The following PAPPA2 variants were observed in gnomAD, a reference collection of about 807,000 sequenced individuals.
PAPPA2 encodes pappalysin 2.
PAPPA2 carries 86 observed loss-of-function variants against 176.4 expected under a neutral mutation model. The observed-to-expected ratio is 0.49, with a 90% CI of 0.41 to 0.58. PAPPA2 has a LOEUF of 0.58. Among genes scored for constraint, PAPPA2 ranks in the 20% least tolerant of loss-of-function variants. The pLI, the probability that PAPPA2 is intolerant of heterozygous loss-of-function variation, is 0.00. For synonymous variants in PAPPA2, 809 were observed against 852.2 expected (o/e 0.95, Z 0.88); for missense variants, 2,073 against 2,256.9 (o/e 0.92, Z 1.65).
At chr1:176,743,912 A>G (rs1352194426) in intron 14 of PAPPA2, among the ~76,000 whole-genome samples, 3 of 152,250 alleles carry the variant, frequency 2.0e-5, no homozygotes, top group South Asian at 2.1e-4. Context: ...TTCAAAAGAT[A>G]CAGAACATTA....
At chr1:176,479,883 T>C (rs541669148) in intron 1 of PAPPA2, among the ~76,000 whole-genome samples, 80 of 152,252 alleles carry the variant, frequency 5.3e-4, no homozygotes, top group Non-Finnish European at 9.7e-4. Flanking sequence ...CCCACATTTA[T>C]AGCACATCAA....
At chr1:176,474,035 G>A (rs1652005114) in intron 1 of PAPPA2, among the ~76,000 whole-genome samples, 1 of 152,130 alleles carries the variant, frequency 6.6e-6, no homozygotes, top group South Asian at 2.1e-4. Context: ...AGTAAAGTAT[G>A]TATTACTTCT....
At chr1:176,527,944 G>C (rs1649586128) in intron 1 of PAPPA2, among the ~76,000 whole-genome samples, 1 of 152,164 alleles carries the variant, frequency 6.6e-6, no homozygotes, top group Non-Finnish European at 1.5e-5. Context: ...TGAATGCCAG[G>C]CATGGCCAAC....
intron 15 of PAPPA2, among the ~76,000 whole-genome samples, chr1:176,768,327 C>T (rs1664069310): frequency 1.3e-5 from 2 of 152,140 alleles, no homozygotes; most frequent in South Asian, 4.1e-4. Flanking sequence ...ATGCTCTCCT[C>T]CCTGGCCGAG....
intron 1 of PAPPA2, among the ~76,000 whole-genome samples, chr1:176,554,307 A>G (rs1651141680): frequency 6.6e-6 from 1 of 152,206 alleles, no homozygotes; most frequent in Non-Finnish European, 1.5e-5. Flanking sequence ...ACAAGCAGTG[A>G]CTTTAAAAGT....
At chr1:176,803,218 A>C (rs1361925130) in intron 21 of PAPPA2, among the ~76,000 whole-genome samples, 1 of 152,144 alleles carries the variant, frequency 6.6e-6, no homozygotes, top group East Asian at 1.9e-4. Context: ...TGTATTGGGA[A>C]CTGGGTCAAC....
chr1:176,599,981 C>A (rs1172022877), intron 3 of PAPPA2, among the ~76,000 whole-genome samples: 1 of 151,790 alleles, frequency 6.6e-6, no homozygotes, highest in Non-Finnish European at 1.5e-5. Context: ...CCTTCCCTAT[C>A]CTATTTTTTG....
At chr1:176,666,930 T>C (rs1015452954) in intron 3 of PAPPA2, among the ~76,000 whole-genome samples, 2 of 151,952 alleles carry the variant, frequency 1.3e-5, no homozygotes, top group African/African-American at 4.8e-5. Flanking sequence ...GTGAAGATTA[T>C]TAGAAATAGG....
chr1:176,521,879 G>C (rs1187976134), intron 1 of PAPPA2, among the ~76,000 whole-genome samples: 2 of 152,178 alleles, frequency 1.3e-5, no homozygotes, highest in Non-Finnish European at 2.9e-5. Context: ...GCACAATAAT[G>C]AGAAGGCATG....
rs560053523 is a variant in PAPPA2 at position 176,845,014 on chromosome 1, T to C, written c.*2560T>C. Reference sequence around the variant, plus strand: ...AAGGCTTCCCAGCCATAGTCAGCTATAGCTATTCAGAGACAGCAGGTTCTT... The same window carrying C: ...AAGGCTTCCCAGCCATAGTCAGCTACAGCTATTCAGAGACAGCAGGTTCTT... On this transcript the variant is annotated 3_prime_UTR_variant, in exon 23 of 23. Coordinates refer to ENST00000367662, the MANE Select transcript of PAPPA2 (RefSeq NM_020318.3). 6.6e-6 allele frequency: 1 copy of C among 152,338 alleles called. No individual in the cohort carries two copies. Among genetic ancestry groups the C allele is most frequent in the Non-Finnish European group, 1.5e-5 (1 of 68,036 alleles). The allele number at this position is 152,338 out of a possible 1,614,324, so 9.4% of individuals were successfully genotyped here. A position where few individuals can be genotyped will look rare whatever the true frequency, so the allele number is the denominator to read the frequency against.
At chr1:176,764,203 C>G (rs1663829246) in intron 14 of PAPPA2, among the ~76,000 whole-genome samples, 1 of 152,194 alleles carries the variant, frequency 6.6e-6, no homozygotes, top group Non-Finnish European at 1.5e-5. Context: ...AATACTGCCA[C>G]ATTGGGAATG....
Position 176,828,447 on chromosome 1 carries a change from G to A in PAPPA2, c.5203-11726G>A, listed in dbSNP as rs185970873. Among the ~76,000 whole-genome samples the A allele has an allele frequency of 1.1e-4, 17 of 151,322 alleles. No homozygotes were observed. The East Asian group carries it at 1.9e-3, about 17-fold the overall frequency. On this transcript the variant is annotated intron_variant, in intron 21 of 22. Transcript: ENST00000367662. ...ATAATTTGTGTGCATCTATACGTGC[G>A]TATAAAATAAAAATATACTTTATGT... is the stretch of plus-strand genomic sequence containing the variant.
chr1:176,623,864 A>G (rs992934012), intron 3 of PAPPA2, among the ~76,000 whole-genome samples: 1 of 137,726 alleles, frequency 7.3e-6, no homozygotes, highest in Non-Finnish European at 1.5e-5. Flanking sequence ...TTCTTTCTAC[A>G]AGGTCTTACT....
At position 176,521,061 on chromosome 1, in the gene PAPPA2, A is replaced by G. The variant is rs113423967; in HGVS notation, c.-916-34346A>G. ...GCTCTGAGGATTGATGTAAGAAAGCATAACACTGGAGTGTGTGTGTGTGTG... is the reference window on the plus strand; with the variant it reads ...GCTCTGAGGATTGATGTAAGAAAGCGTAACACTGGAGTGTGTGTGTGTGTG... On this transcript the variant is annotated intron_variant, in intron 1 of 22. Transcript: ENST00000367662. Among the ~76,000 whole-genome samples, 641 of 149,008 alleles carry G rather than the reference A, an allele frequency of 4.3e-3. 4 individuals carry two copies. The highest frequency in any genetic ancestry group is 0.016 in the African/African-American group (617 of 39,764).
intron 12 of PAPPA2, among the ~76,000 whole-genome samples, chr1:176,715,377 GC>G (rs1298051936): frequency 6.6e-6 from 1 of 152,162 alleles, no homozygotes; most frequent in Non-Finnish European, 1.5e-5. Flanking sequence ...TGGAAGCACA[GC>G]CCCCTTCTAA....
intron 20 of PAPPA2, among the ~76,000 whole-genome samples, chr1:176,799,340 A>C (rs2102947981): frequency 6.6e-6 from 1 of 152,362 alleles, no homozygotes; most frequent in East Asian, 1.9e-4. Flanking sequence ...ATTTGTTTAA[A>C]TATGCATCTG....
intron 21 of PAPPA2, among the ~76,000 whole-genome samples, chr1:176,804,501 T>C (rs557578793): frequency 1.7e-4 from 26 of 152,290 alleles, no homozygotes; most frequent in African/African-American, 6.0e-4. Context: ...AATACTGCCC[T>C]TGAGACACTG....
intron 2 of PAPPA2, among the ~76,000 whole-genome samples, chr1:176,570,642 C>A (rs187432265): frequency 1.2e-4 from 18 of 151,276 alleles, no homozygotes; most frequent in African/African-American, 3.9e-4. Flanking sequence ...GGTGTGGCAG[C>A]CTTGCTGGGC....
rs535367235 is a variant in PAPPA2 at position 176,463,218 on chromosome 1, T to C, written c.-1117T>C. 6.6e-6 allele frequency: 1 copy of C among 152,298 alleles called. No homozygotes were observed. Among genetic ancestry groups the C allele is most frequent in the South Asian group, 2.1e-4 (1 of 4,822 alleles). 9.4% of individuals were successfully genotyped at this position (152,298 alleles called of 1,614,324 possible). Reference sequence around the variant, plus strand: ...TAGGCACACACTCCCTTTTCTCGGGTGTGTACTTTTTGCTTTGTGATACAT... The same window carrying C: ...TAGGCACACACTCCCTTTTCTCGGGCGTGTACTTTTTGCTTTGTGATACAT... On this transcript the variant is annotated 5_prime_UTR_variant, in exon 1 of 23. Transcript: ENST00000367662.
Sources: allele counts gnomAD v4.1 joint callset (sites outside exome capture counted in the v4.1 genomes callset), GRCh38; gene constraint gnomAD v4.1.1; transcripts MANE v1.5; gene names NCBI Gene and HGNC (gene_info 2026-07-23, HGNC 2026-07-21).